Variants in MET observed in about 807,000 individuals in gnomAD.
MET encodes MET proto-oncogene, receptor tyrosine kinase.
MET carries 48 observed loss-of-function variants against 133.1 expected under a neutral mutation model. The ratio of observed to expected loss-of-function variants is 0.36; its 90% CI spans 0.29 to 0.46. The LOEUF (loss-of-function observed/expected upper bound fraction) is 0.46. Ranked by LOEUF, MET falls within the 20% of genes least tolerant of loss-of-function variation. The pLI, the probability that MET is intolerant of heterozygous loss-of-function variation, is 1.00. For missense variants in MET, 1,442 were observed against 1,695.9 expected, an observed-to-expected ratio of 0.85 and a Z score of 2.63; for synonymous variants, 628 against 616.5, an observed-to-expected ratio of 1.02 and a Z score of -0.28.
rs1796002562 is a variant in MET at position 116,672,356 on chromosome 7, G to C, written c.-236G>C. 3.0e-6 allele frequency: 1 copy of C among 337,480 alleles called. No homozygotes were observed. Among genetic ancestry groups the C allele is most frequent in the East Asian group, 4.5e-5 (1 of 22,282 alleles). The allele number at this position is 337,480 out of a possible 1,614,324, so 20.9% of individuals were successfully genotyped here. ...GGGAAGGGGCGGAGGGAGTGCGGCC[G>C]GCGGGCGGGCGGGGCGCTGGGCTCA... is the stretch of plus-strand genomic sequence containing the variant. On this transcript the variant is annotated 5_prime_UTR_variant, in exon 1 of 21. Transcript: ENST00000397752.
intron 19 of MET, among the ~76,000 whole-genome samples, chr7:116,792,267 A>T (rs1396752765): frequency 6.6e-6 from 1 of 152,044 alleles, no homozygotes; most frequent in Non-Finnish European, 1.5e-5. Flanking sequence ...ACCTTCAGTA[A>T]AGTTAGGCCA....
chr7:116,689,552 G>A (rs1185136442), intron 1 of MET, among the ~76,000 whole-genome samples: 1 of 146,282 alleles, frequency 6.8e-6, no homozygotes, highest in African/African-American at 2.5e-5. Flanking sequence ...TGGGATATGG[G>A]CTTACTCTTT....
intron 2 of MET, among the ~76,000 whole-genome samples, chr7:116,716,330 AG>A (rs1792202009): frequency 7.2e-6 from 1 of 139,254 alleles, no homozygotes; most frequent in Non-Finnish European, 1.5e-5. Flanking sequence ...AGAGAGAGAG[AG>A]AGAGAGAAAA....
chr7:116,795,075 A>G (rs1795627159), intron 19 of MET, among the ~76,000 whole-genome samples: 1 of 152,150 alleles, frequency 6.6e-6, no homozygotes, highest in Non-Finnish European at 1.5e-5. Flanking sequence ...TCACATCTTC[A>G]TGTGACAGTT....
intron 19 of MET, among the ~76,000 whole-genome samples, chr7:116,791,766 G>A (rs1020666227): frequency 6.6e-6 from 1 of 152,182 alleles, no homozygotes; most frequent in Non-Finnish European, 1.5e-5. Context: ...TTGGGTTCAA[G>A]TGATTCTTTT....
intron 5 of MET, among the ~76,000 whole-genome samples, chr7:116,755,019 A>AGAAAGAAAGAAAGAAG: frequency 1.3e-5 from 2 of 151,314 alleles, no homozygotes; most frequent in Non-Finnish European, 2.9e-5. Flanking sequence ...AAAGAAAGAA[A>AGAAAGAAAGAAAGAAG]GAAAGAAAGA....
In MET at chr7:116,758,480, A is replaced by G. The variant is rs769757694; in HGVS notation, c.2124A>G (p.Glu708=). The change falls in exon 9 of 21, where the codon GAA becomes GAG. Residue 708 remains glutamate, a synonymous_variant. Coordinates refer to ENST00000397752, the MANE Select transcript of MET (RefSeq NM_000245.4). The part of the protein sequence containing the change: ...TLKSVSNSIL[E]CYTPAQTIST... Reference sequence around the variant, plus strand: ...TCAGTGTGTCAAACAGTATTCTTGAATGTTATACCCCAGCCCAAACCATTT... The same window carrying G: ...TCAGTGTGTCAAACAGTATTCTTGAGTGTTATACCCCAGCCCAAACCATTT... The G allele has an allele frequency of 2.5e-6, 4 of 1,613,814 alleles. No individual in the cohort carries two copies. The highest frequency in any genetic ancestry group is 1.7e-5 in the Admixed American group (1 of 59,996).
At chr7:116,746,356 G>C (rs1793684777) in intron 5 of MET, among the ~76,000 whole-genome samples, 1 of 152,224 alleles carries the variant, frequency 6.6e-6, no homozygotes, top group African/African-American at 2.4e-5. Flanking sequence ...TTCAACCATT[G>C]TGGAAGACAG....
intron 2 of MET, among the ~76,000 whole-genome samples, chr7:116,730,386 T>G (rs1792956803): frequency 6.6e-6 from 1 of 152,212 alleles, no homozygotes; most frequent in Admixed American, 6.5e-5. Flanking sequence ...AATGTTGTTC[T>G]TTATCCTAAC....
Position 116,774,955 on chromosome 7 carries a change from C to G in MET, c.3103C>G (p.Leu1035Val), listed in dbSNP as rs2117030456. The G allele has an allele frequency of 6.2e-7, 1 of 1,614,094 alleles. No individual in the cohort carries two copies. The part of the protein sequence containing the change: ...QYPLTDMSPI[L>V]TSGDSDISSP... ...TCCTCTGACAGACATGTCCCCCATC[C>G]TAACTAGTGGGGACTCTGATATATC... The change falls in exon 15 of 21, where the codon CTA becomes GTA. Residue 1035 changes from leucine to valine, a missense_variant. Physicochemically the swap from Leu to Val is conservative, Grantham distance 32 (BLOSUM62 1). Coordinates refer to ENST00000397752, the MANE Select transcript of MET (RefSeq NM_000245.4).
rs1440666097 is a variant in MET at position 116,797,795 on chromosome 7, C to T, written c.*1671C>T. The T allele has an allele frequency of 3.1e-5, 7 of 225,798 alleles. No individual in the cohort carries two copies. The highest frequency in any genetic ancestry group is 6.2e-5 in the Non-Finnish European group (7 of 113,490). The allele number at this position is 225,798 out of a possible 1,614,324, so 14.0% of individuals were successfully genotyped here. ...ATGTACTGATTGCCAATACACCCCACCCTCATTACATCATCAGGACTTGAA... is the reference window on the plus strand; with the variant it reads ...ATGTACTGATTGCCAATACACCCCATCCTCATTACATCATCAGGACTTGAA... On this transcript the variant is annotated 3_prime_UTR_variant, in exon 21 of 21. Coordinates refer to ENST00000397752, the MANE Select transcript of MET (RefSeq NM_000245.4).
intron 10 of MET, 140 bp downstream of exon 10, chr7:116,759,630 T>G (rs1344642921): frequency 1.0e-6 from 1 of 970,412 alleles, no homozygotes; most frequent in Admixed American, 2.0e-5. Flanking sequence ...CAAGTAGTAT[T>G]TTTTATTTAA....
chr7:116,770,965 A>G (rs1257853630), intron 12 of MET, among the ~76,000 whole-genome samples: 1 of 152,182 alleles, frequency 6.6e-6, no homozygotes, highest in Non-Finnish European at 1.5e-5. Flanking sequence ...AAAAATCATA[A>G]AATGTTAGAG....
chr7:116,696,338 AG>A (rs1005633745), intron 1 of MET, among the ~76,000 whole-genome samples: 3 of 152,162 alleles, frequency 2.0e-5, no homozygotes, highest in African/African-American at 7.2e-5. Flanking sequence ...AGTAGAAGAA[AG>A]GGGGGTCCTG....
chr7:116,713,333 T>C (rs944404510), intron 2 of MET, among the ~76,000 whole-genome samples: 41 of 148,756 alleles, frequency 2.8e-4, no homozygotes, highest in Non-Finnish European at 1.9e-4. Context: ...AGGCGGAGCT[T>C]GCAGTGAGCC....
intron 5 of MET, 46 bp from the exon 6 acceptor site, chr7:116,755,309 T>A (rs1470352352): frequency 5.0e-6 from 8 of 1,599,576 alleles, no homozygotes; most frequent in Non-Finnish European, 6.8e-6. Context: ...ATGTGAAAAA[T>A]TATAATATAT....
chr7:116,790,712 A>G (rs374661181), intron 19 of MET, among the ~76,000 whole-genome samples: 26 of 152,254 alleles, frequency 1.7e-4, no homozygotes, highest in East Asian at 1.2e-3. Flanking sequence ...AGAGTAGTTC[A>G]TCTCTTTTTA....
At chr7:116,691,697 A>T (rs1406593131) in intron 1 of MET, among the ~76,000 whole-genome samples, 1 of 152,130 alleles carries the variant, frequency 6.6e-6, no homozygotes, top group Non-Finnish European at 1.5e-5. Context: ...ACATAGTGGC[A>T]AAGATGGGCA....
At chr7:116,688,810 A>G (rs2116521169) in intron 1 of MET, among the ~76,000 whole-genome samples, 1 of 152,318 alleles carries the variant, frequency 6.6e-6, no homozygotes, top group South Asian at 2.1e-4. Context: ...GCTTTTTCTT[A>G]TGCTAACAGG....
Sources: allele counts gnomAD v4.1 joint callset (sites outside exome capture counted in the v4.1 genomes callset), GRCh38; gene constraint gnomAD v4.1.1; transcripts MANE v1.5; gene names NCBI Gene and HGNC (gene_info 2026-07-23, HGNC 2026-07-21).